The following UROC1 variants were observed in gnomAD, a reference collection of about 807,000 sequenced individuals.
UROC1 encodes urocanate hydratase.
In UROC1, 79 loss-of-function variants were observed where a neutral mutation model predicts 89.5. That is an observed-to-expected ratio of 0.88 (90% CI 0.74 to 1.06). The LOEUF (loss-of-function observed/expected upper bound fraction) is 1.06, where lower values mean the gene tolerates loss of function less well. Ranked by LOEUF, UROC1 falls within the 50% of genes least tolerant of loss-of-function variation. The pLI is 0.00. For missense variants in UROC1, 885 were observed against 907.8 expected (o/e 0.97, Z 0.32); for synonymous variants, 361 against 354.8 (o/e 1.02, Z -0.20).
At chr3:126,497,135 C>A (rs1935794910) in intron 14 of UROC1, among the ~76,000 whole-genome samples, 2 of 152,198 alleles carry the variant, frequency 1.3e-5, no homozygotes, top group Admixed American at 1.3e-4. Flanking sequence ...TCCCCTCTGC[C>A]TGGCTCTCCT....
chr3:126,501,784 G>A (rs1935928137), intron 9 of UROC1: 1 of 1,598,674 alleles, frequency 6.3e-7, no homozygotes, highest in Non-Finnish European at 8.5e-7. Context: ...CCATGAAAGA[G>A]CAGATTGAAT....
Position 126,503,977 on chromosome 3 carries a change from T to C in UROC1, c.902+18A>G, listed in dbSNP as rs182008552. On this transcript the variant is annotated intron_variant, in intron 9 of 19. Coordinates refer to ENST00000290868, the MANE Select transcript of UROC1 (RefSeq NM_144639.3). ...CGTGTCAGGTGTCAGGTGTCCGGAG[T>C]TGAGCTTGGAGCTGTACCTGAGCCT... 5.0e-4 allele frequency: 806 copies of C among 1,613,920 alleles called. 1 individual carries two copies. Among genetic ancestry groups the C allele is most frequent in the Admixed American group, 9.0e-4 (54 of 60,022 alleles).
rs372032139 is a variant in UROC1, at chr3:126,485,591, A to ATTTTTT, written c.1791-2124_1791-2123insAAAAAA. ...GCTTTTTTTTCTTTGTTCCCCATTT[A>ATTTTTT]TTTATTTATTTTTTTTTGGTAGAGA... On this transcript the variant is annotated intron_variant, in intron 18 of 19. Transcript: ENST00000290868. Among the ~76,000 whole-genome samples the ATTTTTT allele has an allele frequency of 3.0e-5, 4 of 134,468 alleles. 1 individual carries two copies. Among genetic ancestry groups the ATTTTTT allele is most frequent in the Non-Finnish European group, 3.2e-5 (2 of 63,010 alleles). The allele number at this position is 134,468 out of a possible 152,430, so 88.2% of individuals were successfully genotyped here.
At chr3:126,505,506 A>G (rs11926005) in intron 8 of UROC1, among the ~76,000 whole-genome samples, 195 bp downstream of exon 8, 20,530 of 152,076 alleles carry the variant, frequency 0.13, 1,826 homozygotes, top group African/African-American at 0.26. Context: ...GCACTTTGAA[A>G]GCAGGAAGCT....
chr3:126,509,167 T>C (rs568232172), intron 3 of UROC1, among the ~76,000 whole-genome samples: 3 of 150,750 alleles, frequency 2.0e-5, no homozygotes, highest in South Asian at 2.1e-4. Flanking sequence ...GCCCCGGAGG[T>C]TGAGGTTGCA....
At chr3:126,500,999 G>C in intron 10 of UROC1, 125 bp from the exon 11 acceptor site, 1 of 1,407,596 alleles carries the variant, frequency 7.1e-7, no homozygotes, top group Non-Finnish European at 9.9e-7. Context: ...GCCCGAGCCA[G>C]ACCCTGCTTT....
At chr3:126,510,553 T>C in intron 2 of UROC1, 111 bp downstream of exon 2, 1 of 1,518,748 alleles carries the variant, frequency 6.6e-7, no homozygotes, top group African/African-American at 1.4e-5. Context: ...CTGGACAGAC[T>C]GGGTTTCCCC....
chr3:126,484,686 C>T (rs2107531875), intron 18 of UROC1, among the ~76,000 whole-genome samples: 1 of 152,316 alleles, frequency 6.6e-6, no homozygotes, highest in Middle Eastern at 3.4e-3. Context: ...AAGCTGCACC[C>T]CTCCTGCAAG....
chr3:126,510,557 TTTCCCC>T, intron 2 of UROC1, 101 bp downstream of exon 2: 2 of 1,529,342 alleles, frequency 1.3e-6, no homozygotes, highest in Non-Finnish European at 8.8e-7. Flanking sequence ...ACAGACTGGG[TTTCCCC>T]CTCACTGCCG....
intron 13 of UROC1, 37 bp from the exon 14 acceptor site, chr3:126,498,209 G>A: frequency 1.9e-6 from 3 of 1,613,496 alleles, no homozygotes; most frequent in Non-Finnish European, 2.5e-6. Context: ...TGGGCCCGCT[G>A]GCTTGTTGGG....
intron 9 of UROC1, among the ~76,000 whole-genome samples, chr3:126,502,250 T>C (rs912623393): frequency 6.6e-6 from 1 of 151,420 alleles, no homozygotes; most frequent in Admixed American, 6.6e-5. Flanking sequence ...TGTCTGTGTG[T>C]TTATGTGTGT....
Position 126,504,577 on chromosome 3 carries a change from C to A in UROC1, c.814-494G>T, listed in dbSNP as rs374912794. 8.5e-5 allele frequency among the ~76,000 whole-genome samples: 13 copies of A among 152,346 alleles called. No homozygotes were observed. In the East Asian group the frequency reaches 2.3e-3, roughly 27 times the overall value. ...CAAAGGAATCAAGAGATATTAACAT[C>A]ATTGAGCTGCCAAACCAATGCCAAC... On this transcript the variant is annotated intron_variant, in intron 8 of 19. Coordinates refer to ENST00000290868, the MANE Select transcript of UROC1 (RefSeq NM_144639.3).
intron 16 of UROC1, among the ~76,000 whole-genome samples, chr3:126,490,708 G>A (rs554140252): frequency 2.6e-5 from 4 of 152,146 alleles, no homozygotes; most frequent in South Asian, 4.1e-4. Flanking sequence ...GTTCTAACTG[G>A]CAATTTAAAA....
In UROC1 at chr3:126,505,997, G is replaced by A. The variant is rs753694664; in HGVS notation, c.617C>T (p.Thr206Ile). The part of the protein sequence containing the change: ...ALGVTMYGQM[T>I]AGSYCYIGPQ... Reference sequence around the variant, plus strand: ...ACCGATGTAGCAGTAGCTACCTGCTGTCATCTGGCCGTACCTGACCACAGG... The same window carrying A: ...ACCGATGTAGCAGTAGCTACCTGCTATCATCTGGCCGTACCTGACCACAGG... Residue 206 changes from threonine to isoleucine, a missense_variant, in exon 7 of 20, where the codon ACA becomes ATA. Physicochemically the swap from Thr to Ile is moderately conservative, Grantham distance 89 (BLOSUM62 -1). Transcript: ENST00000290868. 1.2e-6 allele frequency: 2 copies of A among 1,613,404 alleles called. No homozygotes were observed. Among genetic ancestry groups the A allele is most frequent in the South Asian group, 1.1e-5 (1 of 91,082 alleles).
intron 18 of UROC1, among the ~76,000 whole-genome samples, chr3:126,486,916 C>T (rs1331439594): frequency 6.6e-6 from 1 of 152,172 alleles, no homozygotes; most frequent in African/African-American, 2.4e-5. Context: ...TGATGGGTCC[C>T]AGGATGAATT....
intron 11 of UROC1, 98 bp from the exon 12 acceptor site, chr3:126,500,252 C>T (rs1245044347): frequency 2.2e-5 from 26 of 1,173,790 alleles, no homozygotes; most frequent in African/African-American, 4.5e-5. Flanking sequence ...CACCAACTTC[C>T]AGCCCCACTG....
At chr3:126,494,621 G>A (rs1576715898) in intron 15 of UROC1, among the ~76,000 whole-genome samples, 2 of 152,218 alleles carry the variant, frequency 1.3e-5, no homozygotes, top group South Asian at 2.1e-4. Context: ...GGCCAAAGGT[G>A]TATGAACCAA....
At chr3:126,507,620 A>T in intron 6 of UROC1, 122 bp downstream of exon 6, 1 of 1,050,726 alleles carries the variant, frequency 9.5e-7, no homozygotes, top group Non-Finnish European at 1.5e-6. Context: ...AAATAAAATT[A>T]ATTATGCTAC....
In UROC1 at chr3:126,505,739, C is replaced by A; in HGVS notation, c.775G>T (p.Ala259Ser). The A allele has an allele frequency of 1.2e-6, 2 of 1,613,894 alleles. No individual in the cohort carries two copies. The highest frequency in any genetic ancestry group is 1.7e-6 in the Non-Finnish European group (2 of 1,180,012). ...CCGATGCACCCCACGATGACTGCGG[C>A]CTTGGCCTGAGCCCCACTCATTCCG... Reference protein sequence around the residue: ...LGGMSGAQAKAAVIVGCIGVI... With the variant: ...LGGMSGAQAKSAVIVGCIGVI... Residue 259 changes from alanine to serine, a missense_variant, in exon 8 of 20, where the codon GCC becomes TCC. By Grantham distance (99) the Ala-to-Ser change is moderately conservative (BLOSUM62 1). Coordinates refer to ENST00000290868, the MANE Select transcript of UROC1 (RefSeq NM_144639.3).
Sources: allele counts gnomAD v4.1 joint callset (sites outside exome capture counted in the v4.1 genomes callset), GRCh38; gene constraint gnomAD v4.1.1; transcripts MANE v1.5; gene names NCBI Gene and HGNC (gene_info 2026-07-23, HGNC 2026-07-21).